Variants in RIF1 observed in about 807,000 individuals in gnomAD.
The protein encoded by RIF1 is telomere-associated protein RIF1.
Under a neutral mutation model 247.1 loss-of-function variants are expected in RIF1, and 45 were observed. That is an observed-to-expected ratio of 0.18 (90% CI 0.14 to 0.23). RIF1 has a LOEUF of 0.23. Ranked by LOEUF, RIF1 falls within the 10% of genes least tolerant of loss-of-function variation. The pLI, the probability that RIF1 is intolerant of heterozygous loss-of-function variation, is 1.00. For synonymous variants in RIF1, 1,087 were observed against 978.8 expected (o/e 1.11, Z -2.06); for missense variants, 2,967 against 2,862.5 (o/e 1.04, Z -0.83).
chr2:151,534,034 C>CA, the RIF1 span, among the ~76,000 whole-genome samples: 4 of 152,194 alleles, frequency 2.6e-5, no homozygotes, highest in East Asian at 5.8e-4. Flanking sequence ...GAACACAGAG[C>CA]ATGGACTGGC....
At position 151,477,436 on chromosome 2, in the gene RIF1, A is replaced by AC. The variant is rs2048983491; in HGVS notation, c.*2366dup. 6.6e-6 allele frequency: 1 copy of AC among 150,838 alleles called. No individual in the cohort carries two copies. The highest frequency in any genetic ancestry group is 2.4e-5 in the African/African-American group (1 of 41,040). 9.3% of individuals were successfully genotyped at this position (150,838 alleles called of 1,614,324 possible). A position where few individuals can be genotyped will look rare whatever the true frequency, so the allele number is the denominator to read the frequency against. On this transcript the variant is annotated 3_prime_UTR_variant, in exon 36 of 36. Transcript: ENST00000444746. ...TGTAGTATCTTTTTTTTTTTTTGAG[A>AC]CACAGTCTTGCTCTGTTGCCTATGC...
rs759988081 is a variant in RIF1 at position 151,474,965 on chromosome 2, G to A, written c.7313G>A (p.Gly2438Glu). The part of the protein sequence containing the change: ...LDSEDLHNYS[G>E]SQLFEMHEKL... ...TCAGAAGATCTTCATAATTATTCAG[G>A]AAGCCAACTATTTGAAATGCACGAG... Residue 2438 changes from glycine to glutamate, a missense_variant, in exon 36 of 36, where the codon GGA (glycine) becomes GAA (glutamate). By Grantham distance (98) the Gly-to-Glu change is moderately conservative. This residue lies in a region of RIF1 where 151 missense variants were observed against 163.4 expected (regional missense o/e 0.92). Transcript: ENST00000444746. The A allele has an allele frequency of 6.2e-7, 1 of 1,612,678 alleles. No homozygotes were observed. Among genetic ancestry groups the A allele is most frequent in the Non-Finnish European group, 8.5e-7 (1 of 1,178,948 alleles).
At chr2:151,433,295 T>G in intron 10 of RIF1, 67 bp downstream of exon 10, 5 of 1,277,306 alleles carry the variant, frequency 3.9e-6, no homozygotes, top group Non-Finnish European at 5.5e-6. Flanking sequence ...TTCTTACCAA[T>G]GTAATCCTGT....
intron 30 of RIF1, among the ~76,000 whole-genome samples, chr2:151,466,611 C>T (rs1421831606): frequency 1.3e-5 from 2 of 151,542 alleles, no homozygotes; most frequent in Non-Finnish European, 1.5e-5. Context: ...TTATTTATAT[C>T]CCCATTTCCT....
At position 151,479,635 on chromosome 2, in the gene RIF1, T is replaced by A. The variant is rs1039674689; in HGVS notation, c.*4564T>A. 6.6e-6 allele frequency: 1 copy of A among 152,224 alleles called. No individual in the cohort carries two copies. Among genetic ancestry groups the A allele is most frequent in the Non-Finnish European group, 1.5e-5 (1 of 68,038 alleles). The allele number at this position is 152,224 out of a possible 1,614,324, so 9.4% of individuals were successfully genotyped here. On this transcript the variant is annotated 3_prime_UTR_variant, in exon 36 of 36. Coordinates refer to ENST00000444746, the MANE Select transcript of RIF1 (RefSeq NM_018151.5). ...CCTCTGGTCACTTAATTTTCTGTTATATTATGTGGTTGAAAATTCCTGTTT... is the reference window on the plus strand; with the variant it reads ...CCTCTGGTCACTTAATTTTCTGTTAAATTATGTGGTTGAAAATTCCTGTTT...
intron 30 of RIF1, among the ~76,000 whole-genome samples, chr2:151,467,712 C>T (rs1179480556): frequency 1.3e-5 from 2 of 152,162 alleles, no homozygotes; most frequent in Non-Finnish European, 2.9e-5. Context: ...TCAGATCGTA[C>T]ACTTTTAACT....
chr2:151,414,981 T>A, intron 4 of RIF1, 62 bp downstream of exon 4: 1 of 1,024,286 alleles, frequency 9.8e-7, no homozygotes, highest in Non-Finnish European at 1.5e-6. Context: ...TAAGTATAAG[T>A]AGTTTGATGC....
At chr2:151,491,972 T>G (rs1341050832) in intron 9 of RIF1, 1 of 1,114,642 alleles carries the variant, frequency 9.0e-7, no homozygotes, top group Middle Eastern at 2.6e-4. Context: ...TAATAGGAGC[T>G]TTCTTGCACC....
intron 8 of RIF1, among the ~76,000 whole-genome samples, chr2:151,424,065 A>G (rs761961713): frequency 1.2e-4 from 18 of 152,170 alleles, no homozygotes; most frequent in Admixed American, 3.3e-4. Flanking sequence ...TATAACATAT[A>G]TGCCCTTCCG....
chr2:151,436,778 A>G, intron 11 of RIF1, 49 bp from the exon 12 acceptor site: 1 of 1,362,958 alleles, frequency 7.3e-7, no homozygotes, highest in Non-Finnish European at 9.9e-7. Flanking sequence ...TGGGTAGCTA[A>G]TATAAAATGA....
At chr2:151,456,493 T>G in intron 22 of RIF1, 85 bp from the exon 23 acceptor site, 1 of 744,632 alleles carries the variant, frequency 1.3e-6, no homozygotes, top group Non-Finnish European at 2.2e-6. Flanking sequence ...TATGTCTTTA[T>G]TACCTTTTTC....
At position 151,438,766 on chromosome 2, in the gene RIF1, T is replaced by C. The variant is rs1691714271; in HGVS notation, c.1546+20T>C. 1 of 1,544,740 alleles carries C rather than the reference T, an allele frequency of 6.5e-7. No individual in the cohort carries two copies. The highest frequency in any genetic ancestry group is 8.9e-7 in the Non-Finnish European group (1 of 1,117,340). On this transcript the variant is annotated intron_variant, in intron 14 of 35. Coordinates refer to ENST00000444746, the MANE Select transcript of RIF1 (RefSeq NM_018151.5). ...AATCAGGTAAGCACTATTACACTGA[T>C]CAAATGTTGTTTTTTGAAACAGGTG...
At chr2:151,423,161 T>G in intron 8 of RIF1, 119 bp downstream of exon 8, 1 of 618,242 alleles carries the variant, frequency 1.6e-6, no homozygotes, top group African/African-American at 2.0e-5. Flanking sequence ...GCTCATTATT[T>G]CATGCCTACT....
intron 10 of RIF1, among the ~76,000 whole-genome samples, chr2:151,433,785 A>G (rs968235404): frequency 2.6e-5 from 4 of 152,112 alleles, no homozygotes; most frequent in African/African-American, 4.8e-5. Flanking sequence ...CAAGTACTCA[A>G]ACATTCTTAC....
At chr2:151,441,848 T>C in intron 15 of RIF1, 57 bp from the exon 16 acceptor site, 1 of 776,950 alleles carries the variant, frequency 1.3e-6, no homozygotes. Context: ...ACACTCAGAT[T>C]TTTATTAGAT....
intron 12 of RIF1, among the ~76,000 whole-genome samples, chr2:151,504,133 T>TAA (rs932326010): frequency 2.8e-4 from 42 of 152,152 alleles, no homozygotes; most frequent in African/African-American, 9.9e-4. Context: ...CTCTTAACAT[T>TAA]AAGTTTTCAG....
the RIF1 span, among the ~76,000 whole-genome samples, chr2:151,518,593 G>T: frequency 2.0e-5 from 3 of 152,316 alleles, no homozygotes; most frequent in South Asian, 6.2e-4. Flanking sequence ...TCCAAGTTCA[G>T]TATTGTCCGT....
At chr2:151,485,310 CATAA>C (rs2049549394), downstream of RIF1, 1 of 152,756 alleles carries the variant, frequency 6.5e-6, no homozygotes, top group East Asian at 1.9e-4. Flanking sequence ...AACCATTAAA[CATAA>C]ATAATGCTCA....
chr2:151,502,975 G>A (rs1448749436), intron 11 of RIF1: 1 of 746,640 alleles, frequency 1.3e-6, no homozygotes, highest in Non-Finnish European at 2.2e-6. Context: ...TTATATGTGA[G>A]GAGGCAGTTT....
Sources: gnomAD v4.1 joint callset for allele counts (sites outside exome capture counted in the v4.1 genomes callset) on GRCh38, gnomAD v4.1.1 for gene constraint, gnomAD v4.1.1 regional missense constraint, MANE v1.5 for transcripts, NCBI Gene and HGNC (gene_info 2026-07-23, HGNC 2026-07-21) for gene names.